Variants in MSRB3 observed in about 807,000 individuals in gnomAD.
MSRB3 encodes methionine-R-sulfoxide reductase B3.
Under a neutral mutation model 21.0 loss-of-function variants are expected in MSRB3, and 13 were observed. The observed-to-expected ratio is 0.62, with a 90% confidence interval of 0.40 to 0.98. The LOEUF is 0.98. MSRB3 is among the 50% of genes least tolerant of loss of function. The pLI is 0.00. For missense variants in MSRB3, 199 were observed against 230.3 expected (o/e 0.86, Z 0.88); for synonymous variants, 87 against 88.6 (o/e 0.98, Z 0.10).
rs145944612 is a variant in MSRB3, at chr12:65,329,856, C to T, written c.263+1253C>T. On this transcript the variant is annotated intron_variant, in intron 4 of 6. Transcript: ENST00000308259. ...CTTGAAATTAAAAAAATGTTTCTTA[C>T]ATTGCACAAACCTTATTGAACATTA... 1.9e-4 allele frequency among the ~76,000 whole-genome samples: 29 copies of T among 152,298 alleles called. No individual in the cohort carries two copies. In the East Asian group the frequency reaches 4.8e-3, roughly 25 times the overall value.
At chr12:65,356,913 A>G (rs1255080422) in intron 4 of MSRB3, among the ~76,000 whole-genome samples, 1 of 151,938 alleles carries the variant, frequency 6.6e-6, no homozygotes, top group Admixed American at 6.6e-5. Context: ...ATACTATTCT[A>G]TTATAAAGTA....
intron 5 of MSRB3, among the ~76,000 whole-genome samples, chr12:65,385,593 T>C (rs1879160432): frequency 6.6e-6 from 1 of 152,042 alleles, no homozygotes; most frequent in Admixed American, 6.5e-5. Context: ...CCCACAAAAT[T>C]AAATAAAATA....
At chr12:65,350,265 C>G (rs1309706948) in intron 4 of MSRB3, among the ~76,000 whole-genome samples, 13 of 151,508 alleles carry the variant, frequency 8.6e-5, no homozygotes, top group Non-Finnish European at 1.6e-4. Flanking sequence ...TTCCATTGAT[C>G]TATATCTCTG....
intron 1 of MSRB3, among the ~76,000 whole-genome samples, chr12:65,292,983 A>G (rs910080822): frequency 2.0e-5 from 3 of 152,176 alleles, no homozygotes; most frequent in Admixed American, 6.5e-5. Flanking sequence ...TGAGAAAAGT[A>G]AAAAGTAAAA....
chr12:65,454,253 A>G (rs1882990510), intron 6 of MSRB3: 4 of 291,496 alleles, frequency 1.4e-5, no homozygotes, highest in Non-Finnish European at 2.6e-5. Flanking sequence ...ATGCCACTGT[A>G]GTCTAGCCTG....
chr12:65,423,044 C>A (rs1243711460), intron 5 of MSRB3, among the ~76,000 whole-genome samples: 1 of 148,374 alleles, frequency 6.7e-6, no homozygotes. Flanking sequence ...CTCACTGCAA[C>A]CTCTGCCACC....
Position 65,328,563 on chromosome 12 carries a change from G to A in MSRB3, c.223G>A (p.Gly75Arg), listed in dbSNP as rs1378246438. Residue 75 changes from glycine to arginine, a missense_variant, in exon 4 of 7, where the codon GGA (glycine) becomes AGA (arginine). Coordinates refer to ENST00000308259, the MANE Select transcript of MSRB3 (RefSeq NM_001031679.3). ...AGAATACACACATCACAAAGATCCTGGAATATATAAATGTGTTGTTTGTGG... is the reference window on the plus strand; with the variant it reads ...AGAATACACACATCACAAAGATCCTAGAATATATAAATGTGTTGTTTGTGG... ...EGEYTHHKDP[G>R]IYKCVVCGTP... 2 of 1,612,484 alleles carry A rather than the reference G, an allele frequency of 1.2e-6. No homozygotes were observed. The highest frequency in any genetic ancestry group is 1.1e-5 in the South Asian group (1 of 91,042).
intron 5 of MSRB3, among the ~76,000 whole-genome samples, chr12:65,384,868 AT>A (rs1565866711): frequency 6.6e-6 from 1 of 152,170 alleles, no homozygotes; most frequent in Non-Finnish European, 1.5e-5. Flanking sequence ...GATCTTCATC[AT>A]TTGGAAACAG....
chr12:65,357,230 T>A (rs1037495856), intron 4 of MSRB3, among the ~76,000 whole-genome samples: 1 of 151,866 alleles, frequency 6.6e-6, no homozygotes, highest in Non-Finnish European at 1.5e-5. Context: ...ACCAATGCAT[T>A]TTGCTCCACC....
chr12:65,325,076 G>A (rs948873155), intron 2 of MSRB3, among the ~76,000 whole-genome samples: 1 of 152,116 alleles, frequency 6.6e-6, no homozygotes, highest in Non-Finnish European at 1.5e-5. Context: ...AAACACATGA[G>A]AATAAAATAA....
chr12:65,400,699 T>C (rs1352514428), intron 5 of MSRB3, among the ~76,000 whole-genome samples: 1 of 152,202 alleles, frequency 6.6e-6, no homozygotes, highest in African/African-American at 2.4e-5. Context: ...TTAATTGTGA[T>C]GTTAGGGTGT....
intron 4 of MSRB3, among the ~76,000 whole-genome samples, chr12:65,368,014 G>C (rs1209015150): frequency 6.6e-6 from 1 of 152,110 alleles, no homozygotes; most frequent in South Asian, 2.1e-4. Context: ...GACCAAGGAA[G>C]CTTCTTGCTT....
intron 5 of MSRB3, among the ~76,000 whole-genome samples, chr12:65,427,482 T>G (rs1881658684): frequency 6.6e-6 from 1 of 152,192 alleles, no homozygotes; most frequent in African/African-American, 2.4e-5. Context: ...TTCTTTTTCT[T>G]TCACTGAGGA....
chr12:65,396,829 A>G (rs1408013681), intron 5 of MSRB3, among the ~76,000 whole-genome samples: 1 of 152,120 alleles, frequency 6.6e-6, no homozygotes, highest in Non-Finnish European at 1.5e-5. Context: ...AAGACTGTGT[A>G]TTCTGCTGTC....
rs112829591 is a variant in MSRB3 at position 65,416,015 on chromosome 12, G to A, written c.293-37713G>A. 3.2e-3 allele frequency among the ~76,000 whole-genome samples: 489 copies of A among 152,300 alleles called. 5 individuals are homozygous for A. Among genetic ancestry groups the A allele is most frequent in the African/African-American group, 0.011 (459 of 41,560 alleles). On this transcript the variant is annotated intron_variant, in intron 5 of 6. Coordinates refer to ENST00000308259, the MANE Select transcript of MSRB3 (RefSeq NM_001031679.3). ...TTTGTGTGTGTGCTTGGGTAAGGTG[G>A]GATCTCCAGGGAGGTGGACAAAGTT...
chr12:65,338,007 T>G (rs1394137516), intron 4 of MSRB3, among the ~76,000 whole-genome samples: 1 of 152,198 alleles, frequency 6.6e-6, no homozygotes, highest in African/African-American at 2.4e-5. Context: ...TACACGGGCA[T>G]TGGATTTTGC....
chr12:65,310,488 A>G (rs1221506750), intron 2 of MSRB3, among the ~76,000 whole-genome samples: 2 of 151,040 alleles, frequency 1.3e-5, no homozygotes, highest in Non-Finnish European at 3.0e-5. Flanking sequence ...CAGGTGGACT[A>G]TGGAGGTTAT....
rs573297480 is a variant in MSRB3, at chr12:65,393,478, A to G, written c.292+24452A>G. 7.6e-4 allele frequency among the ~76,000 whole-genome samples: 115 copies of G among 152,152 alleles called. 1 individual carries two copies. Among genetic ancestry groups the G allele is most frequent in the Non-Finnish European group, 1.5e-4 (10 of 67,988 alleles). Reference sequence around the variant, plus strand: ...GAAACACCGTCTCTACCAAAAATACAAAAAATTAGCCAGGCATGGTGGTGG... The same window carrying G: ...GAAACACCGTCTCTACCAAAAATACGAAAAATTAGCCAGGCATGGTGGTGG... On this transcript the variant is annotated intron_variant, in intron 5 of 6. Transcript: ENST00000308259.
At chr12:65,283,013 A>G (rs1009965725) in intron 1 of MSRB3, among the ~76,000 whole-genome samples, 2 of 152,198 alleles carry the variant, frequency 1.3e-5, no homozygotes, top group African/African-American at 4.8e-5. Flanking sequence ...TCATCTGCAT[A>G]TTTTCAGGAA....
Sources: gnomAD v4.1 joint callset for allele counts (sites outside exome capture counted in the v4.1 genomes callset) on GRCh38, gnomAD v4.1.1 for gene constraint, MANE v1.5 for transcripts, NCBI Gene and HGNC (gene_info 2026-07-23, HGNC 2026-07-21) for gene names.